The following FAR1 variants were observed in gnomAD, a reference collection of about 807,000 sequenced individuals.
FAR1 encodes the protein male sterility domain-containing protein 2.
FAR1 carries 22 observed loss-of-function variants against 61.1 expected under a neutral mutation model. The observed-to-expected ratio is 0.36, with a 90% CI of 0.26 to 0.51. FAR1 has a LOEUF of 0.51. FAR1 is among the 20% of genes least tolerant of loss of function. FAR1 has a pLI of 0.95. For missense variants in FAR1, 359 were observed against 626.9 expected (o/e 0.57, Z 4.56); for synonymous variants, 206 against 209.7 (o/e 0.98, Z 0.15).
At chr11:13,675,242 T>C (rs987948593) in intron 1 of FAR1, among the ~76,000 whole-genome samples, 1 of 152,134 alleles carries the variant, frequency 6.6e-6, no homozygotes, top group African/African-American at 2.4e-5. Flanking sequence ...TTGAAGAGAC[T>C]GTACATATGT....
Position 13,729,988 on chromosome 11 carries a change from A to G in FAR1, c.*1214A>G, listed in dbSNP as rs1848706975. Reference sequence around the variant, plus strand: ...AGCTTTAGAAAGAAATGCGTTATAGAAACAAGTAATAGCAAGAAAATTGAT... The same window carrying G: ...AGCTTTAGAAAGAAATGCGTTATAGGAACAAGTAATAGCAAGAAAATTGAT... On this transcript the variant is annotated 3_prime_UTR_variant, in exon 12 of 12. Transcript: ENST00000354817. The G allele has an allele frequency of 6.6e-6, 1 of 152,450 alleles. No homozygotes were observed. The highest frequency in any genetic ancestry group is 6.6e-5 in the Admixed American group (1 of 15,240). 9.4% of individuals were successfully genotyped at this position (152,450 alleles called of 1,614,324 possible).
chr11:13,726,630 G>A (rs1217603570), intron 10 of FAR1, among the ~76,000 whole-genome samples: 1 of 151,354 alleles, frequency 6.6e-6, no homozygotes, highest in East Asian at 1.9e-4. Flanking sequence ...GCAGGGATGG[G>A]GGCAGTGGGA....
chr11:13,672,330 G>A (rs899882180), intron 1 of FAR1, among the ~76,000 whole-genome samples: 5 of 151,390 alleles, frequency 3.3e-5, no homozygotes, highest in Middle Eastern at 3.4e-3. Context: ...CAGGCAGACC[G>A]CCTGAGCTCA....
chr11:13,687,008 T>G lies in FAR1; in HGVS notation c.-7-7751T>G, dbSNP rs535196106. Among the ~76,000 whole-genome samples, 17 of 152,322 alleles carry G rather than the reference T, an allele frequency of 1.1e-4. No individual in the cohort carries two copies. The South Asian group carries it at 1.7e-3, about 15-fold the overall frequency. On this transcript the variant is annotated intron_variant, in intron 1 of 11. Transcript: ENST00000354817. ...AGAGTAGTAGCTTTATCTTAGGATCTCATAGCTGCTAAATTGCAGAGTTTG... is the reference window on the plus strand; with the variant it reads ...AGAGTAGTAGCTTTATCTTAGGATCGCATAGCTGCTAAATTGCAGAGTTTG...
chr11:13,688,500 G>T (rs1252502799), intron 1 of FAR1, among the ~76,000 whole-genome samples: 2 of 152,054 alleles, frequency 1.3e-5, no homozygotes, highest in African/African-American at 2.4e-5. Flanking sequence ...TTTTTTTAGG[G>T]TTGAACTCAT....
At position 13,700,435 on chromosome 11, in the gene FAR1, A is replaced by G. The variant is rs1232740075; in HGVS notation, c.308A>G (p.Asp103Gly). Residue 103 changes from aspartate (D) to glycine (G), a missense_variant, in exon 3 of 12, where the codon GAT (aspartate) becomes GGT (glycine). Physicochemically the swap from Asp to Gly is moderately conservative, Grantham distance 94. Around this residue, in one of 2 missense-constraint regions of FAR1, gnomAD observed 344 missense variants for 570.3 expected, o/e 0.60. Coordinates refer to ENST00000354817, the MANE Select transcript of FAR1 (RefSeq NM_032228.6). Reference sequence around the variant, plus strand: ...GAAGAAGATAAAGAGGTGATCATAGATTCTACCAATATTATATTCCACTGT... The same window carrying G: ...GAAGAAGATAAAGAGGTGATCATAGGTTCTACCAATATTATATTCCACTGT... Reference protein sequence around the residue: ...LSEEDKEVIIDSTNIIFHCAA... With the variant: ...LSEEDKEVIIGSTNIIFHCAA... 6 of 1,590,794 alleles carry G rather than the reference A, an allele frequency of 3.8e-6. No homozygotes were observed. The highest frequency in any genetic ancestry group is 5.1e-6 in the Non-Finnish European group (6 of 1,171,688).
intron 10 of FAR1, 144 bp downstream of exon 10, chr11:13,722,003 TTG>T (rs769802916): frequency 3.1e-5 from 19 of 620,450 alleles, no homozygotes; most frequent in Non-Finnish European, 4.8e-5. Flanking sequence ...TTAGTCATAA[TTG>T]TTAGTGGTGA....
At chr11:13,690,039 C>T (rs890423305) in intron 1 of FAR1, among the ~76,000 whole-genome samples, 2 of 152,042 alleles carry the variant, frequency 1.3e-5, no homozygotes, top group Non-Finnish European at 2.9e-5. Flanking sequence ...CCACGCCCGA[C>T]TAATTTTTGT....
chr11:13,703,228 G>T (rs753332509), intron 3 of FAR1, among the ~76,000 whole-genome samples: 1 of 152,108 alleles, frequency 6.6e-6, no homozygotes, highest in Non-Finnish European at 1.5e-5. Flanking sequence ...TATCGCCCAG[G>T]CTGAGAGTGC....
chr11:13,709,013 A>C (rs1278844446), intron 4 of FAR1, among the ~76,000 whole-genome samples: 2 of 152,176 alleles, frequency 1.3e-5, no homozygotes, highest in African/African-American at 4.8e-5. Context: ...AAAAAGAGAG[A>C]TCTTTTTTAC....
At chr11:13,691,183 A>G (rs189542072) in intron 1 of FAR1, among the ~76,000 whole-genome samples, 4 of 152,298 alleles carry the variant, frequency 2.6e-5, no homozygotes, top group South Asian at 2.1e-4. Flanking sequence ...TGAACCCTCT[A>G]TGGGAAAGGA....
chr11:13,702,010 T>G (rs1848381483), intron 3 of FAR1, among the ~76,000 whole-genome samples: 1 of 152,172 alleles, frequency 6.6e-6, no homozygotes, highest in African/African-American at 2.4e-5. Context: ...AAGATTATTT[T>G]TTTTTCCTTC....
chr11:13,693,150 G>T (rs1848270930), intron 1 of FAR1, among the ~76,000 whole-genome samples: 1 of 151,820 alleles, frequency 6.6e-6, no homozygotes, highest in Non-Finnish European at 1.5e-5. Context: ...AATTATCTTG[G>T]GCCACACATA....
chr11:13,727,473 GCCTT>G, intron 10 of FAR1, 79 bp from the exon 11 acceptor site: 2 of 1,247,808 alleles, frequency 1.6e-6, no homozygotes, highest in Admixed American at 4.5e-5. Context: ...CTTGGAACTG[GCCTT>G]TAGAAAAAGT....
At chr11:13,673,700 T>C (rs1848035277) in intron 1 of FAR1, among the ~76,000 whole-genome samples, 1 of 152,258 alleles carries the variant, frequency 6.6e-6, no homozygotes, top group South Asian at 2.1e-4. Context: ...ATTTTCTTGC[T>C]TTAGAGATGT....
chr11:13,714,789 G>A, intron 9 of FAR1, 109 bp downstream of exon 9: 1 of 973,860 alleles, frequency 1.0e-6, no homozygotes, highest in East Asian at 2.9e-5. Context: ...AGGCTTAATA[G>A]CCTTTTGTGA....
At position 13,726,121 on chromosome 11, in the gene FAR1, T is replaced by C. The variant is rs373465615; in HGVS notation, c.1258-1435T>C. On this transcript the variant is annotated intron_variant, in intron 10 of 11. Coordinates refer to ENST00000354817, the MANE Select transcript of FAR1 (RefSeq NM_032228.6). Reference sequence around the variant, plus strand: ...TGAAGGATCAGCATGTATCTGTTATTGTTGTTATTAGGTTGGTGCAAAAGT... The same window carrying C: ...TGAAGGATCAGCATGTATCTGTTATCGTTGTTATTAGGTTGGTGCAAAAGT... Among the ~76,000 whole-genome samples the C allele has an allele frequency of 1.7e-3, 263 of 152,182 alleles. 2 individuals carry two copies. The highest frequency in any genetic ancestry group is 6.0e-3 in the African/African-American group (250 of 41,558).
chr11:13,686,495 C>T (rs192527595), intron 1 of FAR1: 22 of 152,184 alleles, frequency 1.4e-4, no homozygotes, highest in African/African-American at 4.3e-4. Flanking sequence ...TCTCATTTCT[C>T]GGCACCAAAA....
chr11:13,723,471 T>C (rs1251916966), intron 10 of FAR1: 3 of 363,460 alleles, frequency 8.3e-6, no homozygotes, highest in African/African-American at 4.4e-5. Context: ...ATAGGTGATA[T>C]GTTATTCCTG....
Sources: allele counts gnomAD v4.1 joint callset (sites outside exome capture counted in the v4.1 genomes callset), GRCh38; gene constraint gnomAD v4.1.1; regional missense constraint gnomAD v4.1.1; transcripts MANE v1.5; gene names NCBI Gene and HGNC (gene_info 2026-07-23, HGNC 2026-07-21).